The following SSH2 variants were observed in gnomAD, a reference collection of about 807,000 sequenced individuals.
The protein encoded by SSH2 is slingshot protein phosphatase 2.
SSH2 carries 37 observed loss-of-function variants against 135.2 expected under a neutral mutation model. The ratio of observed to expected loss-of-function variants is 0.27; its 90% CI spans 0.21 to 0.36. SSH2 has a LOEUF of 0.36. Ranked by LOEUF, SSH2 falls within the 10% of genes least tolerant of loss-of-function variation. The pLI is 1.00. For synonymous variants in SSH2, 628 were observed against 646.2 expected, an observed-to-expected ratio of 0.97 and a Z score of 0.43; for missense variants, 1,408 against 1,765.3, an observed-to-expected ratio of 0.80 and a Z score of 3.63.
At chr17:29,681,674 T>C (rs2037996698) in intron 6 of SSH2, among the ~76,000 whole-genome samples, 1 of 152,124 alleles carries the variant, frequency 6.6e-6, no homozygotes, top group African/African-American at 2.4e-5. Flanking sequence ...TATTAAAATA[T>C]AACATAATAC....
chr17:29,834,203 A>C (rs2042906077), intron 2 of SSH2, among the ~76,000 whole-genome samples: 1 of 152,090 alleles, frequency 6.6e-6, no homozygotes. Flanking sequence ...AAAAAGATAT[A>C]CAAATGGCTC....
At chr17:29,697,217 CTG>C (rs2038794623) in intron 4 of SSH2, among the ~76,000 whole-genome samples, 3 of 152,102 alleles carry the variant, frequency 2.0e-5, no homozygotes, top group Admixed American at 1.3e-4. Context: ...TTATGAAAAT[CTG>C]TGAACAAAAA....
chr17:29,803,654 G>A (rs1404172281), intron 2 of SSH2, among the ~76,000 whole-genome samples: 1 of 152,144 alleles, frequency 6.6e-6, no homozygotes, highest in Non-Finnish European at 1.5e-5. Context: ...ACAAGAATTT[G>A]CAGCCATCTT....
chr17:29,673,808 CA>C (rs2151050456), intron 8 of SSH2: 1 of 305,918 alleles, frequency 3.3e-6, no homozygotes, highest in Non-Finnish European at 6.5e-6. Context: ...TTTTGCTTTA[CA>C]GCCTATCATC....
At chr17:29,710,478 A>G (rs1414812621) in intron 3 of SSH2, among the ~76,000 whole-genome samples, 1 of 152,222 alleles carries the variant, frequency 6.6e-6, no homozygotes, top group Non-Finnish European at 1.5e-5. Flanking sequence ...TGTCTTGAAG[A>G]ATACTCATCT....
chr17:29,898,205 C>A (rs2151454802), intron 1 of SSH2, among the ~76,000 whole-genome samples: 1 of 152,086 alleles, frequency 6.6e-6, no homozygotes, highest in African/African-American at 2.4e-5. Context: ...ACCCTAACAT[C>A]ACAATTAAAA....
chr17:29,699,795 T>C (rs2038904067), intron 4 of SSH2, among the ~76,000 whole-genome samples: 1 of 152,206 alleles, frequency 6.6e-6, no homozygotes, highest in Non-Finnish European at 1.5e-5. Context: ...AAAAGCTTAG[T>C]GGGCATACTT....
chr17:29,761,914 A>T (rs1394689241), intron 3 of SSH2, among the ~76,000 whole-genome samples: 2 of 135,184 alleles, frequency 1.5e-5, no homozygotes, highest in East Asian at 2.1e-4. Context: ...AGTTTCTGCT[A>T]TTGTCGCCCA....
chr17:29,892,588 C>G (rs1381590531), intron 1 of SSH2, among the ~76,000 whole-genome samples: 1 of 151,940 alleles, frequency 6.6e-6, no homozygotes, highest in Admixed American at 6.6e-5. Flanking sequence ...CTGTTAAGCT[C>G]ATTAACATTG....
chr17:29,666,242 C>T (rs1345562850), intron 11 of SSH2, among the ~76,000 whole-genome samples: 1 of 152,102 alleles, frequency 6.6e-6, no homozygotes, highest in African/African-American at 2.4e-5. Context: ...GGGCTGGTGG[C>T]ACACGCTTGT....
At chr17:29,809,417 T>G (rs1426627151) in intron 2 of SSH2, among the ~76,000 whole-genome samples, 1 of 152,202 alleles carries the variant, frequency 6.6e-6, no homozygotes, top group Non-Finnish European at 1.5e-5. Context: ...ATAGGTACAC[T>G]TCAACTGCAG....
intron 11 of SSH2, among the ~76,000 whole-genome samples, chr17:29,665,758 G>C (rs1251342991): frequency 6.6e-6 from 1 of 152,158 alleles, no homozygotes; most frequent in African/African-American, 2.4e-5. Flanking sequence ...TCTAACACTT[G>C]AGAGAAAAAT....
intron 15 of SSH2, among the ~76,000 whole-genome samples, chr17:29,634,806 C>T (rs2150966725): frequency 6.6e-6 from 1 of 152,230 alleles, no homozygotes; most frequent in East Asian, 1.9e-4. Context: ...CTGCCTCAGC[C>T]TCCCAAAGTG....
chr17:29,767,864 G>C (rs1175668585), intron 3 of SSH2, among the ~76,000 whole-genome samples: 1 of 151,966 alleles, frequency 6.6e-6, no homozygotes, highest in East Asian at 1.9e-4. Flanking sequence ...CTATGAACAT[G>C]TGTTTGTATA....
At chr17:29,702,596 A>T (rs959416941) in intron 4 of SSH2, among the ~76,000 whole-genome samples, 4 of 152,218 alleles carry the variant, frequency 2.6e-5, no homozygotes, top group African/African-American at 9.6e-5. Context: ...TGGAGGTTGC[A>T]GTGATCTGGG....
At chr17:29,825,498 C>T (rs753810150) in intron 2 of SSH2, among the ~76,000 whole-genome samples, 135 of 152,196 alleles carry the variant, frequency 8.9e-4, no homozygotes, top group Non-Finnish European at 1.6e-3. Flanking sequence ...TGGCATTGCC[C>T]GTAATACTCT....
intron 8 of SSH2, among the ~76,000 whole-genome samples, chr17:29,673,241 T>C (rs185997236): frequency 1.4e-4 from 21 of 152,214 alleles, no homozygotes; most frequent in Admixed American, 1.0e-3. Context: ...TTGAGTGAAA[T>C]GTCATTAGCT....
intron 2 of SSH2, among the ~76,000 whole-genome samples, chr17:29,811,885 C>CT (rs1486499296): frequency 1.1e-4 from 17 of 152,106 alleles, no homozygotes; most frequent in Non-Finnish European, 2.2e-4. Flanking sequence ...ACCTAATTCT[C>CT]TAAGAATTTG....
intron 5 of SSH2, among the ~76,000 whole-genome samples, chr17:29,694,587 C>T (rs747165547): frequency 7.9e-5 from 12 of 152,052 alleles, no homozygotes; most frequent in African/African-American, 2.4e-4. Context: ...GAGAATCGAT[C>T]GAACCTGGGA....
Sources: gnomAD v4.1 joint callset for allele counts (sites outside exome capture counted in the v4.1 genomes callset) on GRCh38, gnomAD v4.1.1 for gene constraint, MANE v1.5 for transcripts, NCBI Gene and HGNC (gene_info 2026-07-23, HGNC 2026-07-21) for gene names.